GRIK4: variants seen among roughly 807,000 people sequenced by gnomAD.
The protein encoded by GRIK4 is glutamate ionotropic receptor kainate type subunit 4, also known as glutamate receptor ionotropic, kainate 4.
A neutral mutation model predicts 104.9 loss-of-function variants in GRIK4; 40 were observed. The observed-to-expected ratio is 0.38, with a 90% CI of 0.30 to 0.50. The LOEUF is 0.50. Ranked by LOEUF, GRIK4 falls within the 20% of genes least tolerant of loss-of-function variation. The pLI, the probability that GRIK4 is intolerant of heterozygous loss-of-function variation, is 0.93. For missense variants in GRIK4, 1,047 were observed against 1,308.1 expected (o/e 0.80, Z 3.08); for synonymous variants, 485 against 524.9 (o/e 0.92, Z 1.04).
intron 3 of GRIK4, among the ~76,000 whole-genome samples, chr11:120,689,208 AAAC>A (rs1950318944): frequency 1.3e-5 from 2 of 152,042 alleles, no homozygotes; most frequent in Non-Finnish European, 2.9e-5. Flanking sequence ...AATTCTATGG[AAAC>A]CGGAAGTTTC....
rs1944763093 is a variant in GRIK4 at position 120,986,786 on chromosome 11, ATTTGT to A, written c.*532_*536del. On this transcript the variant is annotated 3_prime_UTR_variant, in exon 21 of 21. Transcript: ENST00000527524. ...CTTTGTCATCTTCTCAGTCCTGTTA[ATTTGT>A]TTTGTGTTTTTTGGAGGGGGAGGCT... 6.6e-6 allele frequency: 1 copy of A among 151,012 alleles called. No individual in the cohort carries two copies. The highest frequency in any genetic ancestry group is 1.5e-5 in the Non-Finnish European group (1 of 67,802). The allele number at this position is 151,012 out of a possible 1,614,324, so 9.4% of individuals were successfully genotyped here. A position where few individuals can be genotyped will look rare whatever the true frequency, so the allele number is the denominator to read the frequency against.
At chr11:120,617,685 TAA>T (rs1591742854) in intron 1 of GRIK4, among the ~76,000 whole-genome samples, 1 of 152,160 alleles carries the variant, frequency 6.6e-6, no homozygotes, top group African/African-American at 2.4e-5. Flanking sequence ...TCTGGTCATT[TAA>T]AAGTGTGTAG....
chr11:120,795,847 G>A (rs1002776061), intron 3 of GRIK4, among the ~76,000 whole-genome samples: 15 of 152,074 alleles, frequency 9.9e-5, no homozygotes, highest in African/African-American at 2.9e-4. Flanking sequence ...GGGGACACTC[G>A]AGTCCCTTGT....
intron 1 of GRIK4, among the ~76,000 whole-genome samples, chr11:120,620,535 A>G (rs374966812): frequency 6.0e-4 from 91 of 151,974 alleles, no homozygotes; most frequent in African/African-American, 1.8e-3. Context: ...GGGTCTCCCT[A>G]TGTTGTTCAG....
chr11:120,646,843 G>A (rs1227979627), intron 1 of GRIK4, among the ~76,000 whole-genome samples: 1 of 152,192 alleles, frequency 6.6e-6, no homozygotes, highest in East Asian at 1.9e-4. Context: ...AATTCTCACT[G>A]CATGTTATCA....
intron 3 of GRIK4, among the ~76,000 whole-genome samples, chr11:120,666,718 C>T (rs115086667): frequency 1.7e-3 from 265 of 152,248 alleles, no homozygotes; most frequent in African/African-American, 6.0e-3. Context: ...AGGTTTTCAA[C>T]GAATATTATG....
intron 3 of GRIK4, among the ~76,000 whole-genome samples, chr11:120,789,816 C>T (rs1426181918): frequency 1.3e-5 from 2 of 152,200 alleles, no homozygotes; most frequent in Non-Finnish European, 2.9e-5. Flanking sequence ...TCACTCCCCT[C>T]CTTCAAGGCT....
chr11:120,517,955 C>T (rs1342928028), intron 1 of GRIK4, among the ~76,000 whole-genome samples: 3 of 152,240 alleles, frequency 2.0e-5, no homozygotes, highest in African/African-American at 2.4e-5. Flanking sequence ...CTGCAAGGCA[C>T]GCTTAATGAA....
At chr11:120,606,302 G>T (rs969567724) in intron 1 of GRIK4, among the ~76,000 whole-genome samples, 1 of 152,110 alleles carries the variant, frequency 6.6e-6, no homozygotes, top group Admixed American at 6.5e-5. Flanking sequence ...GCTCCTCAGC[G>T]TCTCACTTGA....
chr11:120,569,856 A>G lies in GRIK4; in HGVS notation c.-159+57969A>G, dbSNP rs76318321. 0.014 allele frequency among the ~76,000 whole-genome samples: 2,065 copies of G among 152,306 alleles called. 96 individuals carry two copies. In the East Asian group the frequency reaches 0.15, roughly 11 times the overall value. On this transcript the variant is annotated intron_variant, in intron 1 of 20. Coordinates refer to ENST00000527524, the MANE Select transcript of GRIK4 (RefSeq NM_014619.5). ...AACCTGAGGGAGGGTCTAATCTCCC[A>G]TACTCCCAAAGACCACATCTGCTAG...
chr11:120,978,362 G>A (rs1944596009), intron 19 of GRIK4, among the ~76,000 whole-genome samples: 1 of 152,186 alleles, frequency 6.6e-6, no homozygotes, highest in African/African-American at 2.4e-5. Flanking sequence ...TGACCTCCGA[G>A]CTAAGTCTTA....
intron 3 of GRIK4, among the ~76,000 whole-genome samples, chr11:120,746,051 C>A (rs1951433114): frequency 6.6e-6 from 1 of 151,810 alleles, no homozygotes; most frequent in Non-Finnish European, 1.5e-5. Context: ...GGGACCATCA[C>A]AAATACTTCA....
chr11:120,669,951 G>T (rs1306917631), intron 3 of GRIK4, among the ~76,000 whole-genome samples: 1 of 152,190 alleles, frequency 6.6e-6, no homozygotes, highest in South Asian at 2.1e-4. Context: ...ACTCAGATTT[G>T]CCATGTCCAA....
intron 1 of GRIK4, among the ~76,000 whole-genome samples, chr11:120,528,356 C>T (rs1430152263): frequency 6.6e-6 from 1 of 152,202 alleles, no homozygotes; most frequent in Non-Finnish European, 1.5e-5. Context: ...CATGATCTGC[C>T]CGCCTTGGCC....
chr11:120,560,683 C>T (rs1437849125), intron 1 of GRIK4, among the ~76,000 whole-genome samples: 1 of 152,166 alleles, frequency 6.6e-6, no homozygotes. Flanking sequence ...CACTCGGTGC[C>T]TCAGTTTCCT....
intron 8 of GRIK4, among the ~76,000 whole-genome samples, chr11:120,849,036 A>G (rs1953916169): frequency 6.6e-6 from 1 of 152,164 alleles, no homozygotes; most frequent in South Asian, 2.1e-4. Context: ...CCCTTTGCTG[A>G]TGTTTGACAA....
In GRIK4 at chr11:120,862,082, C is replaced by T; in HGVS notation, c.868C>T (p.Gln290Ter). The part of the protein sequence containing the change: ...EFAQSLNQSW[Q>*]ENCDHVPFTG... ...TGCCCAGAGCCTCAACCAGTCCTGGCAGGAGAACTGTGACCATGTGCCCTT... is the reference window on the plus strand; with the variant it reads ...TGCCCAGAGCCTCAACCAGTCCTGGTAGGAGAACTGTGACCATGTGCCCTT... The change falls in exon 9 of 21, where the codon CAG becomes TAG. Residue 290 changes from glutamine (Q) to a stop codon, truncating the protein, a stop_gained. Transcript: ENST00000527524. LOFTEE classifies it high-confidence loss of function. The T allele has an allele frequency of 6.2e-7, 1 of 1,614,138 alleles. No individual in the cohort carries two copies. The highest frequency in any genetic ancestry group is 8.5e-7 in the Non-Finnish European group (1 of 1,179,970).
intron 1 of GRIK4, among the ~76,000 whole-genome samples, chr11:120,583,430 T>A (rs1390177735): frequency 6.6e-6 from 1 of 152,218 alleles, no homozygotes; most frequent in Non-Finnish European, 1.5e-5. Context: ...TGCCAATGCC[T>A]ATGTCCAGAA....
intron 1 of GRIK4, among the ~76,000 whole-genome samples, chr11:120,631,187 T>C (rs1676344823): frequency 6.6e-6 from 1 of 152,268 alleles, no homozygotes; most frequent in Non-Finnish European, 1.5e-5. Context: ...TTTGCCTTCA[T>C]TGTAATGATC....
Sources: gnomAD v4.1 joint callset for allele counts (sites outside exome capture counted in the v4.1 genomes callset) on GRCh38, gnomAD v4.1.1 for gene constraint, MANE v1.5 for transcripts, NCBI Gene and HGNC (gene_info 2026-07-23, HGNC 2026-07-21) for gene names.